Variants in AK8 observed in about 807,000 individuals in gnomAD.
The protein encoded by AK8 is adenylate kinase 8.
AK8 carries 44 observed loss-of-function variants against 54.6 expected under a neutral mutation model. The observed-to-expected ratio is 0.81, with a 90% CI of 0.63 to 1.04. AK8 has a LOEUF of 1.04. Among genes scored for constraint, AK8 ranks in the 50% least tolerant of loss-of-function variants. The pLI, the probability that AK8 is intolerant of heterozygous loss-of-function variation, is 0.00. For synonymous variants in AK8, 239 were observed against 245.6 expected, an observed-to-expected ratio of 0.97 and a Z score of 0.25; for missense variants, 555 against 613.6, an observed-to-expected ratio of 0.90 and a Z score of 1.01.
rs755198482 is a variant in AK8, at chr9:132,823,329, G to C, written c.765C>G (p.Thr255=). 36 of 1,613,794 alleles carry C rather than the reference G, an allele frequency of 2.2e-5. No homozygotes were observed. The Admixed American group carries it at 5.8e-4, about 26-fold the overall frequency. The change falls in exon 9 of 13, where the codon ACC becomes ACG. Residue 255 remains threonine, a synonymous_variant. Coordinates refer to ENST00000298545, the MANE Select transcript of AK8 (RefSeq NM_152572.3). ...TAGTACGATGGTTGCTTTGGACATA[G>C]GTCAGAGCTGGAAAGAGAGGATATG... The part of the protein sequence containing the change: ...PCVDVFYQAL[T]YVQSNHRTNA...
intron 10 of AK8, among the ~76,000 whole-genome samples, chr9:132,794,811 G>A (rs74511960): frequency 0.016 from 2,455 of 152,240 alleles, 69 homozygotes; most frequent in African/African-American, 0.057. Context: ...CACAAATCCA[G>A]GTCTCATCTC....
At chr9:132,821,707 G>A (rs956808034) in intron 9 of AK8, among the ~76,000 whole-genome samples, 62 of 136,334 alleles carry the variant, frequency 4.5e-4, no homozygotes, top group African/African-American at 1.3e-3. Flanking sequence ...ATATATACAC[G>A]TACATTTGTA....
Position 132,863,712 on chromosome 9 carries a change from A to T in AK8, c.286T>A (p.Phe96Ile), listed in dbSNP as rs529729315. The T allele has an allele frequency of 6.3e-5, 101 of 1,613,676 alleles. 1 individual carries two copies. In the South Asian group the frequency reaches 1.0e-3, roughly 16 times the overall value. Residue 96 changes from phenylalanine to isoleucine, a missense_variant, in exon 4 of 13, where the codon TTT becomes ATT. Physicochemically the swap from Phe to Ile is conservative, Grantham distance 21. Transcript: ENST00000298545. ...CTGGCTTCGGTGGCCGTATAGGAAA[A>T]CTCATTTAAGATCAGGTTCTCCAGG... is the stretch of plus-strand genomic sequence containing the variant. ...LTLENLILNEFSYTATEARRL... is the reference protein window; with the variant it reads ...LTLENLILNEISYTATEARRL...
At chr9:132,756,781 C>T (rs1410308762) in intron 11 of AK8, among the ~76,000 whole-genome samples, 2 of 151,992 alleles carry the variant, frequency 1.3e-5, no homozygotes, top group East Asian at 1.9e-4. Context: ...TGTCATCATC[C>T]CCCCTTTAGA....
At chr9:132,800,907 T>C (rs1414293853) in intron 10 of AK8, among the ~76,000 whole-genome samples, 1 of 150,742 alleles carries the variant, frequency 6.6e-6, no homozygotes. Context: ...ACAGTGAATA[T>C]TTCAGTTTGT....
intron 9 of AK8, 58 bp downstream of exon 9, chr9:132,823,147 G>T: frequency 6.7e-7 from 1 of 1,498,604 alleles, no homozygotes; most frequent in Non-Finnish European, 8.9e-7. Flanking sequence ...TGGGGAGGAG[G>T]GGCAGGAGGC....
At chr9:132,778,924 AATTTTGTCTTT>A (rs1839342429) in intron 11 of AK8, among the ~76,000 whole-genome samples, 1 of 150,262 alleles carries the variant, frequency 6.7e-6, no homozygotes, top group Non-Finnish European at 1.5e-5. Flanking sequence ...ACAAAAGGGC[AATTTTGTCTTT>A]GACTATTTTG....
chr9:132,725,914 A>G lies in AK8; in HGVS notation c.1214T>C (p.Met405Thr), dbSNP rs772797040. The change falls in exon 13 of 13, where the codon ATG (methionine) becomes ACG (threonine). Residue 405 changes from methionine (M) to threonine (T), a missense_variant. Coordinates refer to ENST00000298545, the MANE Select transcript of AK8 (RefSeq NM_152572.3). ...DPVTGERYHL[M>T]YKPPPTMEIQ... Reference sequence around the variant, plus strand: ...CTCCATGGTGGGAGGTGGCTTGTACATGAGGTGGTACCTGCAAGGGAGGAA... The same window carrying G: ...CTCCATGGTGGGAGGTGGCTTGTACGTGAGGTGGTACCTGCAAGGGAGGAA... The G allele has an allele frequency of 3.1e-6, 5 of 1,611,284 alleles. No homozygotes were observed. The African/African-American group carries it at 4.0e-5, about 13-fold the overall frequency.
intron 10 of AK8, among the ~76,000 whole-genome samples, chr9:132,797,947 T>C (rs1210839703): frequency 1.3e-5 from 2 of 152,228 alleles, no homozygotes; most frequent in Non-Finnish European, 2.9e-5. Flanking sequence ...GTGTTAGCAG[T>C]CCTGCGAAAG....
intron 10 of AK8, among the ~76,000 whole-genome samples, chr9:132,801,617 A>G (rs1371755810): frequency 5.3e-5 from 8 of 152,212 alleles, no homozygotes; most frequent in Non-Finnish European, 1.0e-4. Flanking sequence ...AGGATGCCAT[A>G]GCCCACGAAA....
intron 5 of AK8, among the ~76,000 whole-genome samples, chr9:132,830,017 G>A (rs1363258717): frequency 1.3e-5 from 2 of 152,218 alleles, no homozygotes; most frequent in East Asian, 1.9e-4. Context: ...AGCAGCAAGT[G>A]CAGATACCTT....
rs777667953 is a variant in AK8, at chr9:132,866,939, T to C, written c.184A>G (p.Ile62Val). The C allele has an allele frequency of 3.7e-6, 6 of 1,614,092 alleles. No individual in the cohort carries two copies. In the Admixed American group the frequency reaches 8.3e-5, roughly 22 times the overall value. The change falls in exon 3 of 13, where the codon ATA becomes GTA. Residue 62 changes from isoleucine (I) to valine (V), a missense_variant. Transcript: ENST00000298545. The part of the protein sequence containing the change: ...RDNDNVPRIV[I>V]LGPPASGKTT... Reference sequence around the variant, plus strand: ...TTCCCTGAGGCGGGTGGACCTAATATTACAATCCTGGGCACTGTGGAATAA... The same window carrying C: ...TTCCCTGAGGCGGGTGGACCTAATACTACAATCCTGGGCACTGTGGAATAA...
At chr9:132,728,848 T>A (rs1398337497) in intron 11 of AK8, among the ~76,000 whole-genome samples, 1 of 152,096 alleles carries the variant, frequency 6.6e-6, no homozygotes, top group Non-Finnish European at 1.5e-5. Flanking sequence ...CTAGTTCCAA[T>A]GGTTTCATCC....
chr9:132,740,518 C>T (rs1837320577), intron 11 of AK8, among the ~76,000 whole-genome samples: 1 of 152,166 alleles, frequency 6.6e-6, no homozygotes, highest in South Asian at 2.1e-4. Flanking sequence ...TGCTTTGAGC[C>T]TTCTCCAGAG....
rs934925946 is a variant in AK8, at chr9:132,826,001, G to C, written c.757+853C>G. Reference sequence around the variant, plus strand: ...AGGATAATACAGCTGTTTGGGGATAGAATTATTCTACCTTGCCCTTGCCTT... The same window carrying C: ...AGGATAATACAGCTGTTTGGGGATACAATTATTCTACCTTGCCCTTGCCTT... On this transcript the variant is annotated intron_variant, in intron 8 of 12. Coordinates refer to ENST00000298545, the MANE Select transcript of AK8 (RefSeq NM_152572.3). This position sits in a 1 kb window ranked among gnomAD's most constrained non-coding sequence, Gnocchi z 4.5. Among the ~76,000 whole-genome samples, 3 of 152,180 alleles carry C rather than the reference G, an allele frequency of 2.0e-5. No individual in the cohort carries two copies. Among genetic ancestry groups the C allele is most frequent in the African/African-American group, 7.2e-5 (3 of 41,444 alleles).
At chr9:132,859,604 C>T (rs1267923180) in intron 4 of AK8, among the ~76,000 whole-genome samples, 1 of 151,516 alleles carries the variant, frequency 6.6e-6, no homozygotes, top group East Asian at 1.9e-4. Context: ...CCCTCTCCCC[C>T]TTCTCCTCCC....
rs1376834125 is a variant in AK8, at chr9:132,781,450, T to C, written c.1121+11184A>G. ...AGATTTATATTTGACAAGGAGACAATAGCTTTGTTTTCTGATAAGCCAAAG... is the reference window on the plus strand; with the variant it reads ...AGATTTATATTTGACAAGGAGACAACAGCTTTGTTTTCTGATAAGCCAAAG... On this transcript the variant is annotated intron_variant, in intron 11 of 12. Transcript: ENST00000298545. The surrounding 1 kb of genome is among the most constrained non-coding windows in gnomAD (Gnocchi z 4.6). Among the ~76,000 whole-genome samples, 2 of 152,176 alleles carry C rather than the reference T, an allele frequency of 1.3e-5. No individual in the cohort carries two copies. The highest frequency in any genetic ancestry group is 2.9e-5 in the Non-Finnish European group (2 of 68,038).
chr9:132,777,415 T>G (rs1178881256), intron 11 of AK8, among the ~76,000 whole-genome samples: 3 of 152,090 alleles, frequency 2.0e-5, no homozygotes, highest in African/African-American at 4.8e-5. Flanking sequence ...CAAGTAGAAG[T>G]AGATCAGAGA....
At chr9:132,870,843 G>A (rs1018347831) in intron 2 of AK8, among the ~76,000 whole-genome samples, 1 of 152,134 alleles carries the variant, frequency 6.6e-6, no homozygotes, top group Admixed American at 6.5e-5. Context: ...CAGCCCAGGG[G>A]AACAAAAACA....
Sources: gnomAD v4.1 joint callset for allele counts (sites outside exome capture counted in the v4.1 genomes callset) on GRCh38, gnomAD v4.1.1 for gene constraint, Gnocchi (gnomAD v3.1) non-coding constraint, MANE v1.5 for transcripts, NCBI Gene and HGNC (gene_info 2026-07-23, HGNC 2026-07-21) for gene names.